KPNA6: variants seen among roughly 807,000 people sequenced by gnomAD.
The protein encoded by KPNA6 is karyopherin subunit alpha 6, also known as importin subunit alpha-7.
A neutral mutation model predicts 72.0 loss-of-function variants in KPNA6; 9 were observed. The observed-to-expected ratio is 0.13, with a 90% CI of 0.08 to 0.22. The LOEUF is 0.22. Ranked by LOEUF, KPNA6 falls within the 10% of genes least tolerant of loss-of-function variation. The pLI is 1.00. For synonymous variants in KPNA6, 219 were observed against 242.1 expected (o/e 0.90, Z 0.89); for missense variants, 374 against 655.7 (o/e 0.57, Z 4.69).
intron 1 of KPNA6, among the ~76,000 whole-genome samples, chr1:32,128,485 G>GAT (rs1192382729): frequency 7.5e-6 from 1 of 134,184 alleles, no homozygotes; most frequent in Non-Finnish European, 1.6e-5. Context: ...TTGAGCTTTG[G>GAT]ATATATAGTC....
intron 13 of KPNA6, 75 bp downstream of exon 13, chr1:32,170,135 T>G: frequency 7.4e-7 from 1 of 1,342,398 alleles, no homozygotes; most frequent in Non-Finnish European, 1.0e-6. Flanking sequence ...ATGTTGGTGG[T>G]GGCGGAGTGT....
chr1:32,163,919 TTAAAA>T (rs1424435535), intron 10 of KPNA6, among the ~76,000 whole-genome samples: 1 of 152,244 alleles, frequency 6.6e-6, no homozygotes, highest in East Asian at 1.9e-4. Flanking sequence ...TGCATGTACT[TTAAAA>T]TACAACATAA....
chr1:32,115,075 A>G (rs1230361349), intron 1 of KPNA6, among the ~76,000 whole-genome samples: 1 of 151,510 alleles, frequency 6.6e-6, no homozygotes, highest in Non-Finnish European at 1.5e-5. Context: ...CCTGACCTCA[A>G]GTGATCCGCC....
At chr1:32,109,907 C>T (rs1478092547) in intron 1 of KPNA6, among the ~76,000 whole-genome samples, 3 of 151,864 alleles carry the variant, frequency 2.0e-5, no homozygotes, top group South Asian at 2.1e-4. Flanking sequence ...CCTCCCGCCT[C>T]GCCTTCCAAA....
chr1:32,135,320 G>A (rs1175352065), intron 1 of KPNA6, among the ~76,000 whole-genome samples: 1 of 152,096 alleles, frequency 6.6e-6, no homozygotes, highest in Non-Finnish European at 1.5e-5. Flanking sequence ...GTCCCCCTCA[G>A]CCTCCCAAAG....
intron 1 of KPNA6, among the ~76,000 whole-genome samples, chr1:32,138,847 C>T (rs993059274): frequency 6.6e-6 from 1 of 152,156 alleles, no homozygotes; most frequent in Admixed American, 6.6e-5. Flanking sequence ...CTGGATTTAA[C>T]AGTCTAAACT....
intron 1 of KPNA6, among the ~76,000 whole-genome samples, chr1:32,132,670 G>A (rs1027588118): frequency 7.9e-5 from 12 of 151,970 alleles, no homozygotes; most frequent in African/African-American, 2.7e-4. Context: ...TTGGGAGGCC[G>A]AGGCGGGCAG....
intron 1 of KPNA6, among the ~76,000 whole-genome samples, chr1:32,112,554 G>A (rs967814633): frequency 6.6e-6 from 1 of 152,198 alleles, no homozygotes; most frequent in African/African-American, 2.4e-5. Context: ...GTGCAATGGC[G>A]TGATCTCGGC....
In KPNA6 at chr1:32,154,596, G is replaced by A. The variant is rs752210764; in HGVS notation, c.13G>A (p.Ala5Thr). 6.8e-6 allele frequency: 11 copies of A among 1,613,382 alleles called. No homozygotes were observed. Among genetic ancestry groups the A allele is most frequent in the Non-Finnish European group, 9.3e-6 (11 of 1,179,744 alleles). The change falls in exon 2 of 14, where the codon GCG becomes ACG. Residue 5 changes from alanine (A) to threonine (T), a missense_variant. By Grantham distance (58) the Ala-to-Thr change is moderately conservative (BLOSUM62 0). This residue lies in a region of KPNA6 where 298 missense variants were observed against 495.4 expected (regional missense o/e 0.60). Transcript: ENST00000373625. ...TGTATCTTTTCTTCTAGAGACCATGGCGAGCCCAGGGAAAGACAATTATCG... is the reference window on the plus strand; with the variant it reads ...TGTATCTTTTCTTCTAGAGACCATGACGAGCCCAGGGAAAGACAATTATCG... METM[A>T]SPGKDNYRMK...
chr1:32,164,629 ATT>A (rs1392864486), intron 10 of KPNA6, among the ~76,000 whole-genome samples: 1 of 140,816 alleles, frequency 7.1e-6, no homozygotes, highest in Non-Finnish European at 1.5e-5. Flanking sequence ...TTTGATTTGC[ATT>A]TTTCTAATGA....
intron 3 of KPNA6, 139 bp downstream of exon 3, chr1:32,157,084 T>C: frequency 4.6e-6 from 3 of 649,150 alleles, no homozygotes; most frequent in Non-Finnish European, 8.0e-6. Context: ...TCGTCAGCTT[T>C]AGGAGTCAAC....
intron 1 of KPNA6, among the ~76,000 whole-genome samples, chr1:32,119,028 ATATATT>A (rs1411646847): frequency 8.9e-4 from 56 of 63,162 alleles, no homozygotes; most frequent in African/African-American, 3.4e-3. Flanking sequence ...ATATATATAT[ATATATT>A]TTTTTTTTTT....
intron 1 of KPNA6, among the ~76,000 whole-genome samples, chr1:32,109,164 G>A (rs1261809167): frequency 6.6e-6 from 1 of 152,140 alleles, no homozygotes; most frequent in African/African-American, 2.4e-5. Flanking sequence ...AGCCTAGTTT[G>A]TAACTGCTGT....
At chr1:32,112,027 A>G (rs759398823) in intron 1 of KPNA6, among the ~76,000 whole-genome samples, 26 of 152,136 alleles carry the variant, frequency 1.7e-4, no homozygotes, top group Non-Finnish European at 3.1e-4. Flanking sequence ...CTCTAAACCA[A>G]TCATTGTAAC....
At chr1:32,157,818 C>G (rs1642170916) in intron 4 of KPNA6, among the ~76,000 whole-genome samples, 1 of 152,076 alleles carries the variant, frequency 6.6e-6, no homozygotes. Context: ...TGTTTTTGTT[C>G]CCTCCTGTGT....
Position 32,166,225 on chromosome 1 carries a change from A to G in KPNA6, c.1111A>G (p.Ile371Val). 2.5e-6 allele frequency: 4 copies of G among 1,610,800 alleles called. No individual in the cohort carries two copies. The highest frequency in any genetic ancestry group is 3.4e-6 in the Non-Finnish European group (4 of 1,178,344). Reference protein sequence around the residue: ...SNITAGNRAQIQAVIDANIFP... With the variant: ...SNITAGNRAQVQAVIDANIFP... ...TATTACTGCTGGCAACAGGGCTCAA[A>G]TACAGGTAAAACAGGCAGGGAAGTC... The change falls in exon 11 of 14, where the codon ATA becomes GTA. Residue 371 changes from isoleucine (I) to valine (V), a missense_variant. Physicochemically the swap from Ile to Val is conservative, Grantham distance 29 (BLOSUM62 3). Around this residue, in one of 3 missense-constraint regions of KPNA6, gnomAD observed 298 missense variants for 495.4 expected, o/e 0.60. Transcript: ENST00000373625.
At chr1:32,142,734 T>C (rs1187971439) in intron 1 of KPNA6, among the ~76,000 whole-genome samples, 1 of 152,140 alleles carries the variant, frequency 6.6e-6, no homozygotes, top group African/African-American at 2.4e-5. Context: ...ATTGTGAATT[T>C]TAAAAAATTC....
At chr1:32,114,030 ACTT>A (rs1277238816) in intron 1 of KPNA6, among the ~76,000 whole-genome samples, 2 of 152,122 alleles carry the variant, frequency 1.3e-5, no homozygotes, top group Non-Finnish European at 2.9e-5. Flanking sequence ...TGATATTTTG[ACTT>A]CTTATGAATC....
At chr1:32,166,009 CA>C in intron 10 of KPNA6, 95 bp from the exon 11 acceptor site, 2 of 1,137,272 alleles carry the variant, frequency 1.8e-6, no homozygotes, top group Non-Finnish European at 1.1e-6. Flanking sequence ...AAAAAAAAAA[CA>C]AAAACAACAA....
Sources: allele counts gnomAD v4.1 joint callset (sites outside exome capture counted in the v4.1 genomes callset), GRCh38; gene constraint gnomAD v4.1.1; regional missense constraint gnomAD v4.1.1; transcripts MANE v1.5; gene names NCBI Gene and HGNC (gene_info 2026-07-23, HGNC 2026-07-21).